NCOA2: variants seen among roughly 807,000 people sequenced by gnomAD.
NCOA2 encodes class E basic helix-loop-helix protein 75.
A neutral mutation model predicts 145.1 loss-of-function variants in NCOA2; 21 were observed. That is an observed-to-expected ratio of 0.14 (90% CI 0.10 to 0.21). NCOA2 has a LOEUF of 0.21. NCOA2 is among the 10% of genes least tolerant of loss of function. The pLI, the probability that NCOA2 is intolerant of heterozygous loss-of-function variation, is 1.00. For missense variants in NCOA2, 1,472 were observed against 1,837.6 expected, an observed-to-expected ratio of 0.80 and a Z score of 3.64; for synonymous variants, 619 against 637.5, an observed-to-expected ratio of 0.97 and a Z score of 0.44.
At chr8:70,400,116 T>C (rs1389443242) in intron 1 of NCOA2, among the ~76,000 whole-genome samples, 2 of 152,212 alleles carry the variant, frequency 1.3e-5, no homozygotes, top group Non-Finnish European at 2.9e-5. Context: ...AATGCTCTTC[T>C]AACACTAAGC....
chr8:70,333,397 T>A (rs1321636179), intron 1 of NCOA2, among the ~76,000 whole-genome samples: 1 of 152,180 alleles, frequency 6.6e-6, no homozygotes, highest in East Asian at 1.9e-4. Flanking sequence ...GTACATTTCC[T>A]GAACTCTGCC....
chr8:70,237,676 G>T (rs1821753095), intron 2 of NCOA2, among the ~76,000 whole-genome samples: 2 of 151,968 alleles, frequency 1.3e-5, no homozygotes, highest in African/African-American at 4.8e-5. Context: ...AGGCTGAGGT[G>T]AGAGGACTGC....
intron 2 of NCOA2, among the ~76,000 whole-genome samples, chr8:70,228,321 T>C (rs535877203): frequency 1.1e-4 from 17 of 152,162 alleles, no homozygotes; most frequent in East Asian, 3.9e-4. Context: ...ATCATTGGGA[T>C]TGTACAGTGG....
chr8:70,447,606 T>C, the NCOA2 span, among the ~76,000 whole-genome samples: 1 of 152,070 alleles, frequency 6.6e-6, no homozygotes, highest in Non-Finnish European at 1.5e-5. Flanking sequence ...TAATCCCTGG[T>C]TGATAGTTAA....
chr8:70,209,828 CTTTA>C (rs1818829751), intron 4 of NCOA2, among the ~76,000 whole-genome samples: 1 of 152,152 alleles, frequency 6.6e-6, no homozygotes, highest in African/African-American at 2.4e-5. Flanking sequence ...ATGTCACTTG[CTTTA>C]TTTTATATTC....
chr8:70,220,617 T>A (rs567112868), intron 2 of NCOA2, among the ~76,000 whole-genome samples: 1 of 152,248 alleles, frequency 6.6e-6, no homozygotes, highest in African/African-American at 2.4e-5. Flanking sequence ...GCCAGTTGAA[T>A]CCTTAGCATA....
upstream of NCOA2, among the ~76,000 whole-genome samples, chr8:70,406,965 T>C (rs758957412): frequency 6.6e-6 from 1 of 152,212 alleles, no homozygotes. Context: ...TCACTAAATA[T>C]CGCAATTTCC....
intron 5 of NCOA2, among the ~76,000 whole-genome samples, chr8:70,172,847 A>G (rs1391526446): frequency 6.6e-6 from 1 of 152,222 alleles, no homozygotes; most frequent in Non-Finnish European, 1.5e-5. Flanking sequence ...GTTTCCTCTC[A>G]TAAAGCTGTG....
chr8:70,162,636 T>C, intron 9 of NCOA2, 75 bp downstream of exon 9: 6 of 1,460,932 alleles, frequency 4.1e-6, no homozygotes, highest in Non-Finnish European at 5.6e-6. Context: ...GTTCCCAAGG[T>C]GAACTCCAGG....
chr8:70,290,520 T>C (rs1226624332), intron 2 of NCOA2, among the ~76,000 whole-genome samples: 10 of 152,074 alleles, frequency 6.6e-5, no homozygotes, highest in Admixed American at 5.9e-4. Context: ...CCATGAATCA[T>C]TCATGAAATA....
the NCOA2 span, among the ~76,000 whole-genome samples, chr8:70,417,055 G>A: frequency 6.6e-6 from 1 of 151,954 alleles, no homozygotes; most frequent in Non-Finnish European, 1.5e-5. Context: ...AATGAAATAA[G>A]GAAACAATTA....
At chr8:70,168,261 A>T (rs898038452) in intron 6 of NCOA2, among the ~76,000 whole-genome samples, 2 of 152,200 alleles carry the variant, frequency 1.3e-5, no homozygotes, top group South Asian at 4.1e-4. Context: ...AAAAACCCAT[A>T]ACTAGCTTTT....
At chr8:70,395,219 T>C (rs1304058171) in intron 1 of NCOA2, among the ~76,000 whole-genome samples, 1 of 152,168 alleles carries the variant, frequency 6.6e-6, no homozygotes. Context: ...ATACCCAAAG[T>C]GAAGTGGTCA....
intron 1 of NCOA2, among the ~76,000 whole-genome samples, chr8:70,311,710 T>C (rs1049335388): frequency 6.6e-6 from 1 of 152,214 alleles, no homozygotes; most frequent in African/African-American, 2.4e-5. Flanking sequence ...CTGGCCATCT[T>C]CCTGGATCTC....
chr8:70,303,803 G>C (rs893533032), intron 1 of NCOA2, among the ~76,000 whole-genome samples: 3 of 152,082 alleles, frequency 2.0e-5, no homozygotes, highest in Non-Finnish European at 4.4e-5. Context: ...GGAGGGGGAA[G>C]ATAAGTTATT....
chr8:70,452,464 G>A, the NCOA2 span, among the ~76,000 whole-genome samples: 1 of 152,128 alleles, frequency 6.6e-6, no homozygotes, highest in Non-Finnish European at 1.5e-5. Flanking sequence ...GGCTCCTGTT[G>A]TGTGATTCCA....
chr8:70,166,514 G>T (rs55654377), intron 7 of NCOA2, 52 bp downstream of exon 7: 65,858 of 1,577,968 alleles, frequency 0.042, 1,663 homozygotes, highest in Non-Finnish European at 0.051. Context: ...GAAGGAAGTA[G>T]CACAGGAATA....
At chr8:70,117,738 A>G (rs73684400) in intron 22 of NCOA2, among the ~76,000 whole-genome samples, 8,743 of 152,278 alleles carry the variant, frequency 0.057, 847 homozygotes, top group African/African-American at 0.2. Flanking sequence ...CAGTGTTGTA[A>G]GACCTTGATC....
chr8:70,324,044 G>GA (rs139445205), intron 1 of NCOA2, among the ~76,000 whole-genome samples: 3 of 151,994 alleles, frequency 2.0e-5, no homozygotes, highest in African/African-American at 7.3e-5. Flanking sequence ...CTCTCCCTCT[G>GA]AAAATCCGTC....
Sources: gnomAD v4.1 joint callset for allele counts (sites outside exome capture counted in the v4.1 genomes callset) on GRCh38, gnomAD v4.1.1 for gene constraint, MANE v1.5 for transcripts, NCBI Gene and HGNC (gene_info 2026-07-23, HGNC 2026-07-21) for gene names.